The following PXDN variants were observed in gnomAD, a reference collection of about 807,000 sequenced individuals.
The protein encoded by PXDN is peroxidasin.
Under a neutral mutation model 140.3 loss-of-function variants are expected in PXDN, and 77 were observed. The ratio of observed to expected loss-of-function variants is 0.55; its 90% CI spans 0.46 to 0.66. PXDN has a LOEUF of 0.66. PXDN is among the 30% of genes least tolerant of loss of function. The probability of loss-of-function intolerance (pLI) is 0.00; values close to 1 mark genes in which losing one functional copy is unlikely to be tolerated. For synonymous variants in PXDN, 911 were observed against 857.4 expected (o/e 1.06, Z -1.09); for missense variants, 1,838 against 2,039.5 (o/e 0.90, Z 1.90).
Position 1,649,618 on chromosome 2 carries a change from G to C in PXDN, c.2162C>G (p.Ser721Trp). Residue 721 changes from serine (S) to tryptophan (W), a missense_variant, in exon 17 of 23, where the codon TCG becomes TGG. Ser to Trp is a radical substitution (Grantham distance 177). Transcript: ENST00000252804. The surrounding 1 kb of genome is among the most constrained non-coding windows in gnomAD (Gnocchi z 7.1). ...PQYLNLIANLSGCTAHRRVNN... is the reference protein window; with the variant it reads ...PQYLNLIANLWGCTAHRRVNN... ...CACGCGCCGGTGGGCGGTACAGCCCGACAGGTTTGCGATGAGGTTCAGGTA... is the reference window on the plus strand; with the variant it reads ...CACGCGCCGGTGGGCGGTACAGCCCCACAGGTTTGCGATGAGGTTCAGGTA... 3 of 1,613,934 alleles carry C rather than the reference G, an allele frequency of 1.9e-6. No individual in the cohort carries two copies. The highest frequency in any genetic ancestry group is 2.5e-6 in the Non-Finnish European group (3 of 1,179,860).
At position 1,643,098 on chromosome 2, in the gene PXDN, T is replaced by C. The variant is rs544001850; in HGVS notation, c.3952+270A>G. Reference sequence around the variant, plus strand: ...AGGAAAAATTAGGGGCACATCTTGCTGAAGCCTGGGTTTCTGTTTCTCTTA... The same window carrying C: ...AGGAAAAATTAGGGGCACATCTTGCCGAAGCCTGGGTTTCTGTTTCTCTTA... On this transcript the variant is annotated intron_variant, in intron 19 of 22. Coordinates refer to ENST00000252804, the MANE Select transcript of PXDN (RefSeq NM_012293.3). 2.6e-5 allele frequency among the ~76,000 whole-genome samples: 4 copies of C among 152,360 alleles called. No individual in the cohort carries two copies. In the South Asian group the frequency reaches 8.3e-4, roughly 32 times the overall value.
At position 1,634,101 on chromosome 2, in the gene PXDN, C is replaced by T. The variant is rs907068506; in HGVS notation, c.*103G>A. On this transcript the variant is annotated 3_prime_UTR_variant, in exon 23 of 23. Coordinates refer to ENST00000252804, the MANE Select transcript of PXDN (RefSeq NM_012293.3). ...AGCTGGACGTTGTCATGAAATGTCA[C>T]GAGTTCTGGGTGTTTCCTGGTCTGC... The T allele has an allele frequency of 2.4e-5, 35 of 1,471,098 alleles. No individual in the cohort carries two copies. In the African/African-American group the frequency reaches 2.5e-4, roughly 11 times the overall value. The allele number at this position is 1,471,098 out of a possible 1,614,324, so 91.1% of individuals were successfully genotyped here. A position where few individuals can be genotyped will look rare whatever the true frequency, so the allele number is the denominator to read the frequency against.
intron 6 of PXDN, among the ~76,000 whole-genome samples, chr2:1,682,647 A>T (rs926027114): frequency 6.6e-6 from 1 of 152,256 alleles, no homozygotes; most frequent in African/African-American, 2.4e-5. Flanking sequence ...AAGCCTTAAA[A>T]AATGGGTGGA....
intron 14 of PXDN, among the ~76,000 whole-genome samples, chr2:1,657,728 C>G (rs867167432): frequency 1.4e-5 from 2 of 144,350 alleles, no homozygotes; most frequent in Non-Finnish European, 3.0e-5. Context: ...CCTGCCCCCA[C>G]CTGACAGGGA....
chr2:1,635,647 C>T, intron 21 of PXDN, 126 bp from the exon 22 acceptor site: 2 of 797,130 alleles, frequency 2.5e-6, no homozygotes, highest in South Asian at 2.9e-5. Flanking sequence ...GGGAATATTT[C>T]TGAAGAACTT....
At chr2:1,642,988 T>C (rs562928786) in intron 19 of PXDN, among the ~76,000 whole-genome samples, 25 of 152,250 alleles carry the variant, frequency 1.6e-4, no homozygotes, top group Non-Finnish European at 3.4e-4. Flanking sequence ...AAACCTGATA[T>C]ATTTGATATG....
intron 1 of PXDN, among the ~76,000 whole-genome samples, chr2:1,735,663 T>C (rs2125494007): frequency 6.6e-6 from 1 of 152,246 alleles, no homozygotes; most frequent in East Asian, 1.9e-4. Context: ...GTTTTTCCAT[T>C]GGTAGAGCAG....
chr2:1,687,833 A>C lies in PXDN; in HGVS notation c.345-130T>G. 1.5e-6 allele frequency: 1 copy of C among 665,324 alleles called. No homozygotes were observed. The highest frequency in any genetic ancestry group is 2.5e-6 in the Non-Finnish European group (1 of 401,776). 41.2% of individuals were successfully genotyped at this position (665,324 alleles called of 1,614,324 possible). A position where few individuals can be genotyped will look rare whatever the true frequency, so the allele number is the denominator to read the frequency against. On this transcript the variant is annotated intron_variant, in intron 3 of 22. Coordinates refer to ENST00000252804, the MANE Select transcript of PXDN (RefSeq NM_012293.3). This position sits in a 1 kb window ranked among gnomAD's most constrained non-coding sequence, Gnocchi z 4.0. ...GACTGTATTAGAATGCAAACAAACC[A>C]TCTGCACGGTGAGTACAGTGCCTCT...
intron 9 of PXDN, among the ~76,000 whole-genome samples, chr2:1,669,443 A>G (rs758609151): frequency 4.1e-4 from 62 of 152,386 alleles, no homozygotes; most frequent in Non-Finnish European, 8.2e-4. Context: ...CATTCAGCAC[A>G]TATATCCCAG....
chr2:1,648,874 G>A lies in PXDN; in HGVS notation c.2906C>T (p.Pro969Leu), dbSNP rs755166036. 6.2e-7 allele frequency: 1 copy of A among 1,602,416 alleles called. No individual in the cohort carries two copies. The highest frequency in any genetic ancestry group is 8.5e-7 in the Non-Finnish European group (1 of 1,177,414). Residue 969 changes from proline to leucine, a missense_variant, in exon 17 of 23, where the codon CCC becomes CTC. Physicochemically the swap from Pro to Leu is moderately conservative, Grantham distance 98. This residue lies in a region of PXDN where 850 missense variants were observed against 894.1 expected (regional missense o/e 0.95). Transcript: ENST00000252804. This position sits in a 1 kb window ranked among gnomAD's most constrained non-coding sequence, Gnocchi z 8.9. ...GCGGTGGTCCCCGGCCAGGAAGCAG[G>A]GGATGGGGCTCTCGTTCTCGTCCCG... ...CMRDENESPI[P>L]CFLAGDHRAN... is the part of the protein sequence containing the mutation.
chr2:1,673,662 G>A lies in PXDN; in HGVS notation c.999C>T (p.Leu333=). 6.2e-7 allele frequency: 1 copy of A among 1,613,208 alleles called. No homozygotes were observed. The highest frequency in any genetic ancestry group is 8.5e-7 in the Non-Finnish European group (1 of 1,179,376). The change falls in exon 9 of 23, where the codon CTC becomes CTT. Residue 333 remains leucine (L), a synonymous_variant. Transcript: ENST00000252804. ...AGEVKTQEVT[L]RYFGSPARPT... is the part of the protein sequence containing the mutation. ...ACATACCTGGAGACCCGAAGTACCTGAGGGTCACCTCTTGCGTCTTCACCT... is the reference window on the plus strand; with the variant it reads ...ACATACCTGGAGACCCGAAGTACCTAAGGGTCACCTCTTGCGTCTTCACCT...
At chr2:1,727,078 T>C (rs1685203113) in intron 1 of PXDN, among the ~76,000 whole-genome samples, 2 of 152,218 alleles carry the variant, frequency 1.3e-5, no homozygotes, top group South Asian at 2.1e-4. Context: ...CATTCTCAAA[T>C]GCAGTGAACA....
chr2:1,660,456 C>T lies in PXDN; in HGVS notation c.1837+425G>A, dbSNP rs375139144. On this transcript the variant is annotated intron_variant, in intron 14 of 22. Transcript: ENST00000252804. The surrounding 1 kb of genome is among the most constrained non-coding windows in gnomAD (Gnocchi z 4.6). ...CACTGAAAGATGCTTCCAGAGCATT[C>T]CTGGCCAAAGCCCGAGGAGAGAGAA... Among the ~76,000 whole-genome samples the T allele has an allele frequency of 6.6e-6, 1 of 152,190 alleles. No homozygotes were observed. Among genetic ancestry groups the T allele is most frequent in the East Asian group, 1.9e-4 (1 of 5,184 alleles).
Position 1,744,278 on chromosome 2 carries a change from C to T in PXDN, c.178G>A (p.Val60Met). Residue 60 changes from valine to methionine, a missense_variant, in exon 1 of 23, where the codon GTG becomes ATG. Physicochemically the swap from Val to Met is conservative, Grantham distance 21. Coordinates refer to ENST00000252804, the MANE Select transcript of PXDN (RefSeq NM_012293.3). ...MHLLLEAVPAVAPQTSILDLR... is the reference protein window; with the variant it reads ...MHLLLEAVPAMAPQTSILDLR... ...CACAGGATGGAGGTCTGCGGCGCCA[C>T]GGCGGGCACGGCCTCCAGCAGCAGA... The T allele has an allele frequency of 2.6e-6, 4 of 1,519,190 alleles. No homozygotes were observed. The highest frequency in any genetic ancestry group is 1.9e-4 in the Middle Eastern group (1 of 5,236). The allele number at this position is 1,519,190 out of a possible 1,614,324, so 94.1% of individuals were successfully genotyped here. A position where few individuals can be genotyped will look rare whatever the true frequency, so the allele number is the denominator to read the frequency against.
Position 1,687,991 on chromosome 2 carries a change from A to G in PXDN, c.345-288T>C, listed in dbSNP as rs1181622731. Among the ~76,000 whole-genome samples the G allele has an allele frequency of 6.6e-6, 1 of 152,178 alleles. No homozygotes were observed. The highest frequency in any genetic ancestry group is 1.5e-5 in the Non-Finnish European group (1 of 68,042). Reference sequence around the variant, plus strand: ...AGACTATGGCTAATGAATTGCTGACAATACATTTGCTTCAAAGCCTGAAGA... The same window carrying G: ...AGACTATGGCTAATGAATTGCTGACGATACATTTGCTTCAAAGCCTGAAGA... On this transcript the variant is annotated intron_variant, in intron 3 of 22. Coordinates refer to ENST00000252804, the MANE Select transcript of PXDN (RefSeq NM_012293.3). The surrounding 1 kb of genome is among the most constrained non-coding windows in gnomAD (Gnocchi z 4.0).
rs1208979684 is a variant in PXDN at position 1,634,258 on chromosome 2, G to A, written c.4386C>T (p.Ile1462=). ...AGCAGACTGGACAGCAGGCCCCTGGGATGTTCACGGGGACAGCACAGGTGG... is the reference window on the plus strand; with the variant it reads ...AGCAGACTGGACAGCAGGCCCCTGGAATGTTCACGGGGACAGCACAGGTGG... ...PPATCAVPVN[I]PGACCPVCLQ... Residue 1462 remains isoleucine, a synonymous_variant, in exon 23 of 23, where the codon ATC becomes ATT. Coordinates refer to ENST00000252804, the MANE Select transcript of PXDN (RefSeq NM_012293.3). The A allele has an allele frequency of 6.2e-7, 1 of 1,607,884 alleles. No homozygotes were observed. Among genetic ancestry groups the A allele is most frequent in the East Asian group, 2.2e-5 (1 of 44,690 alleles).
Position 1,653,769 on chromosome 2 carries a change from T to C in PXDN, c.1963A>G (p.Asn655Asp), listed in dbSNP as rs1683067594. 3.8e-6 allele frequency: 6 copies of C among 1,579,970 alleles called. No homozygotes were observed. The highest frequency in any genetic ancestry group is 5.2e-6 in the Non-Finnish European group (6 of 1,161,284). The change falls in exon 16 of 23, where the codon AAT (asparagine) becomes GAT (aspartate). Residue 655 changes from asparagine to aspartate, a missense_variant. Physicochemically the swap from Asn to Asp is conservative, Grantham distance 23. Around this residue, in one of 5 missense-constraint regions of PXDN, gnomAD observed 537 missense variants for 583.9 expected, o/e 0.92. Transcript: ENST00000252804. ...HLFDSRPRSP[N>D]DLLALFRYPR... ...TACCGGAACAAGGCCAGCAAATCAT[T>C]TGGAGAACGAGGACGGCTAACCAGA...
chr2:1,664,035 C>T (rs570273623), intron 11 of PXDN: 92 of 424,532 alleles, frequency 2.2e-4, no homozygotes, highest in Admixed American at 4.1e-4. Context: ...CATGGGGACT[C>T]GGGGAGTCAG....
intron 9 of PXDN, among the ~76,000 whole-genome samples, chr2:1,673,315 C>T (rs562918809): frequency 6.6e-6 from 1 of 152,218 alleles, no homozygotes; most frequent in East Asian, 1.9e-4. Flanking sequence ...GAGTAGCTGT[C>T]CCTTCAGATG....
Sources: allele counts gnomAD v4.1 joint callset (sites outside exome capture counted in the v4.1 genomes callset), GRCh38; gene constraint gnomAD v4.1.1; regional missense constraint gnomAD v4.1.1; non-coding constraint Gnocchi (gnomAD v3.1); transcripts MANE v1.5; gene names NCBI Gene and HGNC (gene_info 2026-07-23, HGNC 2026-07-21).